Variants in HMBOX1 observed in about 807,000 individuals in gnomAD.
The protein encoded by HMBOX1 is homeobox containing 1, also known as homeobox-containing protein 1.
Under a neutral mutation model 54.5 loss-of-function variants are expected in HMBOX1, and 14 were observed. The ratio of observed to expected loss-of-function variants is 0.26; its 90% CI spans 0.17 to 0.40. The LOEUF is 0.40. Among genes scored for constraint, HMBOX1 ranks in the 10% least tolerant of loss-of-function variants. The pLI is 1.00. For synonymous variants in HMBOX1, 160 were observed against 181.0 expected (o/e 0.88, Z 0.93); for missense variants, 332 against 514.4 (o/e 0.65, Z 3.43).
rs1455835791 is a variant in HMBOX1 at position 29,024,685 on chromosome 8, C to T, written c.851+5772C>T. Among the ~76,000 whole-genome samples the T allele has an allele frequency of 7.9e-5, 12 of 151,922 alleles. No homozygotes were observed. The South Asian group carries it at 1.0e-3, about 13-fold the overall frequency. On this transcript the variant is annotated intron_variant, in intron 6 of 9. Transcript: ENST00000287701. ...GTTACTGATTTTATTGATAATTATACGAAATTATTTTTATTTAATCTTCAC... is the reference window on the plus strand; with the variant it reads ...GTTACTGATTTTATTGATAATTATATGAAATTATTTTTATTTAATCTTCAC...
At chr8:29,038,446 A>G (rs749649612) in intron 6 of HMBOX1, among the ~76,000 whole-genome samples, 3 of 152,184 alleles carry the variant, frequency 2.0e-5, no homozygotes, top group Non-Finnish European at 4.4e-5. Context: ...TTAGGGCTAT[A>G]TACATTTTAT....
At chr8:29,028,140 A>G (rs1386862863) in intron 6 of HMBOX1, among the ~76,000 whole-genome samples, 1 of 152,186 alleles carries the variant, frequency 6.6e-6, no homozygotes. Context: ...TAAAAATTTT[A>G]GCTTGAGAGT....
At chr8:28,954,262 T>G (rs938917908) in intron 1 of HMBOX1, among the ~76,000 whole-genome samples, 1 of 152,150 alleles carries the variant, frequency 6.6e-6, no homozygotes, top group African/African-American at 2.4e-5. Flanking sequence ...AAAATTGGGT[T>G]CTGTGTAAGG....
chr8:29,047,511 TATTAAG>T lies in HMBOX1; in HGVS notation c.1030+64_1030+69del, dbSNP rs1250912211. 29 of 850,300 alleles carry T rather than the reference TATTAAG, an allele frequency of 3.4e-5. No homozygotes were observed. In the South Asian group the frequency reaches 3.7e-4, roughly 11 times the overall value. The allele number at this position is 850,300 out of a possible 1,614,324, so 52.7% of individuals were successfully genotyped here. ...GCAGCAGTTGTGAACGTCATGTTTA[TATTAAG>T]ATTAACTTCAGTTTAGAAACTGCAA... is the stretch of plus-strand genomic sequence containing the variant. On this transcript the variant is annotated intron_variant, in intron 8 of 9. Transcript: ENST00000287701.
intron 1 of HMBOX1, among the ~76,000 whole-genome samples, chr8:28,910,964 T>C (rs1815302792): frequency 6.6e-6 from 1 of 152,222 alleles, no homozygotes; most frequent in Non-Finnish European, 1.5e-5. Context: ...TTTCAGAAAG[T>C]AATTATCTAA....
intron 9 of HMBOX1, 183 bp downstream of exon 9, chr8:29,049,231 T>C: frequency 6.6e-7 from 1 of 1,515,276 alleles, no homozygotes; most frequent in Non-Finnish European, 8.8e-7. Flanking sequence ...GATTCAGTTG[T>C]CCTGTTGAAT....
chr8:29,001,819 T>G (rs1832714560), intron 4 of HMBOX1, among the ~76,000 whole-genome samples: 1 of 152,166 alleles, frequency 6.6e-6, no homozygotes, highest in African/African-American at 2.4e-5. Flanking sequence ...TTTAAGAAAC[T>G]CTGTGGTAAA....
chr8:28,902,449 G>C (rs958848321), intron 1 of HMBOX1, among the ~76,000 whole-genome samples: 2 of 152,172 alleles, frequency 1.3e-5, no homozygotes, highest in Non-Finnish European at 2.9e-5. Flanking sequence ...GATAGGATCA[G>C]AAAGAGGACC....
At chr8:29,003,006 G>T (rs1318458646) in intron 4 of HMBOX1, among the ~76,000 whole-genome samples, 1 of 151,858 alleles carries the variant, frequency 6.6e-6, no homozygotes, top group African/African-American at 2.4e-5. Context: ...AAACAGTTTT[G>T]TAATATTCAG....
chr8:28,934,146 A>G (rs1008151138), intron 1 of HMBOX1, among the ~76,000 whole-genome samples: 1 of 152,264 alleles, frequency 6.6e-6, no homozygotes, highest in African/African-American at 2.4e-5. Flanking sequence ...AAAGGTTTGT[A>G]TATCAAAAAA....
chr8:28,894,955 CAG>C (rs1174390740), intron 1 of HMBOX1, among the ~76,000 whole-genome samples: 3 of 146,124 alleles, frequency 2.1e-5, no homozygotes, highest in Non-Finnish European at 3.0e-5. Context: ...AAAAAAAAAA[CAG>C]TAACAATAGT....
rs371191325 is a variant in HMBOX1 at position 28,913,798 on chromosome 8, GC to G, written c.-58+23121del. Among the ~76,000 whole-genome samples the G allele has an allele frequency of 7.3e-4, 110 of 150,948 alleles. 1 individual carries two copies. The highest frequency in any genetic ancestry group is 2.5e-3 in the African/African-American group (104 of 41,134). ...GACAAAGTCTCACTCTGTCGCCCAG[GC>G]TGGAGTGCAGTGGCGTGATCTCACT... is the stretch of plus-strand genomic sequence containing the variant. On this transcript the variant is annotated intron_variant, in intron 1 of 9. Coordinates refer to ENST00000287701, the MANE Select transcript of HMBOX1 (RefSeq NM_001135726.3).
At chr8:29,027,236 G>A (rs1244607622) in intron 6 of HMBOX1, among the ~76,000 whole-genome samples, 10 of 152,268 alleles carry the variant, frequency 6.6e-5, no homozygotes, top group Non-Finnish European at 1.2e-4. Context: ...ATGCTCAAAC[G>A]TGATTCTGCA....
intron 1 of HMBOX1, among the ~76,000 whole-genome samples, chr8:28,908,428 T>G (rs1266769737): frequency 6.6e-6 from 1 of 152,170 alleles, no homozygotes; most frequent in Non-Finnish European, 1.5e-5. Flanking sequence ...AGTCTATTTA[T>G]AAAAATGGAA....
intron 1 of HMBOX1, among the ~76,000 whole-genome samples, chr8:28,950,809 AAT>A (rs1342747417): frequency 2.6e-5 from 4 of 152,334 alleles, no homozygotes; most frequent in African/African-American, 9.6e-5. Context: ...ATAATAGAGA[AAT>A]ATATATTTGT....
intron 1 of HMBOX1, among the ~76,000 whole-genome samples, chr8:28,944,960 C>T (rs1296492360): frequency 2.0e-5 from 3 of 152,050 alleles, no homozygotes; most frequent in Admixed American, 2.0e-4. Flanking sequence ...ACCTGCCTAG[C>T]TCTGGATTTC....
chr8:29,047,562 CTCTTT>C, intron 8 of HMBOX1, 109 bp downstream of exon 8: 4 of 414,454 alleles, frequency 9.7e-6, no homozygotes, highest in Middle Eastern at 6.1e-4. Flanking sequence ...ATCCTAACTT[CTCTTT>C]TTTTTTTTTT....
At chr8:29,047,091 G>T (rs762224710) in intron 7 of HMBOX1, among the ~76,000 whole-genome samples, 1 of 152,230 alleles carries the variant, frequency 6.6e-6, no homozygotes, top group Non-Finnish European at 1.5e-5. Flanking sequence ...AACTGACTTT[G>T]TGGAATTCTC....
intron 6 of HMBOX1, among the ~76,000 whole-genome samples, chr8:29,023,428 G>A (rs1251970028): frequency 2.0e-5 from 3 of 151,984 alleles, no homozygotes; most frequent in Non-Finnish European, 2.9e-5. Context: ...TTTGAGACAG[G>A]GTCTTGCTCT....
Sources: gnomAD v4.1 joint callset for allele counts (sites outside exome capture counted in the v4.1 genomes callset) on GRCh38, gnomAD v4.1.1 for gene constraint, MANE v1.5 for transcripts, NCBI Gene and HGNC (gene_info 2026-07-23, HGNC 2026-07-21) for gene names.